Variants in IQSEC1 observed in about 807,000 individuals in gnomAD.
IQSEC1 encodes the protein IQ motif and SEC7 domain-containing protein 1.
A neutral mutation model predicts 91.0 loss-of-function variants in IQSEC1; 31 were observed. The observed-to-expected ratio is 0.34, with a 90% CI of 0.26 to 0.46. IQSEC1 has a LOEUF of 0.46. Among genes scored for constraint, IQSEC1 ranks in the 20% least tolerant of loss-of-function variants. The pLI is 1.00. For missense variants in IQSEC1, 1,388 were observed against 1,575.6 expected (o/e 0.88, Z 2.02); for synonymous variants, 699 against 662.6 (o/e 1.05, Z -0.84).
chr3:13,040,843 C>T lies in IQSEC1; in HGVS notation c.23+32149G>A, dbSNP rs1014779004. ...GCTGTCACCTCCTCCATGAAGCCCCCGCACCCAGCCCTGCTCCTCTTTCAA... is the reference window on the plus strand; with the variant it reads ...GCTGTCACCTCCTCCATGAAGCCCCTGCACCCAGCCCTGCTCCTCTTTCAA... On this transcript the variant is annotated intron_variant, in intron 1 of 13. Transcript: ENST00000613206. Among the ~76,000 whole-genome samples the T allele has an allele frequency of 2.0e-5, 3 of 152,310 alleles. No individual in the cohort carries two copies. In the East Asian group the frequency reaches 5.8e-4, roughly 29 times the overall value.
chr3:12,904,436 C>G (rs945483575), intron 12 of IQSEC1, among the ~76,000 whole-genome samples: 1 of 152,218 alleles, frequency 6.6e-6, no homozygotes, highest in Admixed American at 6.5e-5. Flanking sequence ...GAACCTTGGC[C>G]CTAATTCTCA....
chr3:13,033,046 C>T (rs1390692165), intron 1 of IQSEC1, among the ~76,000 whole-genome samples: 1 of 152,156 alleles, frequency 6.6e-6, no homozygotes, highest in African/African-American at 2.4e-5. Flanking sequence ...GCAAGACAAA[C>T]AACAGCCTGT....
chr3:12,943,293 G>A (rs886351873), intron 1 of IQSEC1, among the ~76,000 whole-genome samples: 3 of 152,202 alleles, frequency 2.0e-5, no homozygotes, highest in Admixed American at 2.0e-4. Context: ...GGGGAGCAGT[G>A]CCCCTGGTGG....
chr3:13,263,435 G>GAAAAAGTACCTGACACTTTTGTTTTTT (rs1559288981), intron 1 of IQSEC1, among the ~76,000 whole-genome samples: 1 of 130,350 alleles, frequency 7.7e-6, no homozygotes, highest in African/African-American at 2.6e-5. Context: ...TTTGGGGGGG[G>GAAAAAGTACCTGACACTTTTGTTTTTT]GGGGAAAGTA....
intron 2 of IQSEC1, among the ~76,000 whole-genome samples, chr3:13,137,441 G>T (rs1399640461): frequency 6.6e-6 from 1 of 152,196 alleles, no homozygotes. Context: ...AGAAGGCTGC[G>T]TATGGTACAC....
At chr3:13,176,115 C>T (rs1449574296) in intron 1 of IQSEC1, among the ~76,000 whole-genome samples, 1 of 152,162 alleles carries the variant, frequency 6.6e-6, no homozygotes, top group Non-Finnish European at 1.5e-5. Flanking sequence ...ATGGAGAGCT[C>T]CACGTTGCTC....
intron 1 of IQSEC1, among the ~76,000 whole-genome samples, chr3:12,997,207 T>C (rs1304448707): frequency 5.3e-5 from 8 of 152,266 alleles, no homozygotes; most frequent in Admixed American, 5.2e-4. Flanking sequence ...CTGTATATCA[T>C]GATCCTTTTG....
chr3:13,218,247 G>A (rs1297797990), intron 1 of IQSEC1, among the ~76,000 whole-genome samples: 1 of 152,212 alleles, frequency 6.6e-6, no homozygotes, highest in Admixed American at 6.5e-5. Context: ...AGGCATGGGT[G>A]GGGAGCGGCT....
intron 1 of IQSEC1, among the ~76,000 whole-genome samples, chr3:13,281,849 G>A (rs909403436): frequency 2.0e-5 from 3 of 152,162 alleles, no homozygotes; most frequent in Non-Finnish European, 4.4e-5. Flanking sequence ...AGACAGAGAG[G>A]CAGAGGGGCA....
At chr3:13,097,864 G>A (rs1476764751) in intron 2 of IQSEC1, among the ~76,000 whole-genome samples, 1 of 152,232 alleles carries the variant, frequency 6.6e-6, no homozygotes, top group African/African-American at 2.4e-5. Flanking sequence ...CTGCGCCTGT[G>A]TGCAGCCCCT....
At chr3:12,925,394 G>A (rs1054336483) in intron 3 of IQSEC1, among the ~76,000 whole-genome samples, 2 of 152,160 alleles carry the variant, frequency 1.3e-5, no homozygotes, top group African/African-American at 2.4e-5. Flanking sequence ...GGTTACCTGC[G>A]GTGCTCAGGA....
intron 2 of IQSEC1, among the ~76,000 whole-genome samples, chr3:13,127,426 CA>C (rs60705997): frequency 0.39 from 58,777 of 150,588 alleles, 12,806 homozygotes; most frequent in African/African-American, 0.6. Flanking sequence ...ACAACAACAA[CA>C]AAAAAACAAA....
intron 1 of IQSEC1, among the ~76,000 whole-genome samples, chr3:13,183,390 A>C (rs1033189299): frequency 2.2e-4 from 31 of 142,030 alleles, no homozygotes; most frequent in African/African-American, 8.7e-4. Context: ...AAATGGTGAA[A>C]CCCTATCTCC....
At chr3:13,035,130 G>A (rs980208219) in intron 1 of IQSEC1, among the ~76,000 whole-genome samples, 13 of 152,226 alleles carry the variant, frequency 8.5e-5, no homozygotes, top group African/African-American at 2.9e-4. Flanking sequence ...AGGGCCATGG[G>A]CTCCCAGGGA....
At chr3:13,270,749 T>C (rs1301615544) in intron 1 of IQSEC1, among the ~76,000 whole-genome samples, 1 of 152,186 alleles carries the variant, frequency 6.6e-6, no homozygotes, top group Admixed American at 6.5e-5. Context: ...AGATATAAGA[T>C]GCAGAAAATA....
chr3:13,227,061 G>C (rs1268525975), intron 1 of IQSEC1, among the ~76,000 whole-genome samples: 10 of 151,970 alleles, frequency 6.6e-5, no homozygotes, highest in Non-Finnish European at 1.2e-4. Context: ...CAGCCTGGGG[G>C]ACAGAGATAC....
intron 1 of IQSEC1, among the ~76,000 whole-genome samples, chr3:13,251,388 G>A (rs1288145356): frequency 1.3e-5 from 2 of 152,208 alleles, no homozygotes; most frequent in Non-Finnish European, 2.9e-5. Flanking sequence ...ATTGTGCACT[G>A]TGGTAACTGC....
At chr3:13,175,078 G>A (rs1693701192) in intron 1 of IQSEC1, among the ~76,000 whole-genome samples, 1 of 152,114 alleles carries the variant, frequency 6.6e-6, no homozygotes, top group South Asian at 2.1e-4. Flanking sequence ...ACCCACCAGG[G>A]TGGACTACCC....
At chr3:13,012,341 C>T (rs1702921413) in intron 1 of IQSEC1, among the ~76,000 whole-genome samples, 1 of 152,216 alleles carries the variant, frequency 6.6e-6, no homozygotes, top group South Asian at 2.1e-4. Context: ...TAAAATCTAG[C>T]TCATCTGCCA....
Sources: allele counts gnomAD v4.1 joint callset (sites outside exome capture counted in the v4.1 genomes callset), GRCh38; gene constraint gnomAD v4.1.1; transcripts MANE v1.5; gene names NCBI Gene and HGNC (gene_info 2026-07-23, HGNC 2026-07-21).